The following AAR2 variants were observed in gnomAD, a reference collection of about 807,000 sequenced individuals.
AAR2 encodes the protein protein AAR2 homolog.
A neutral mutation model predicts 26.9 loss-of-function variants in AAR2; 31 were observed. The observed-to-expected ratio is 1.15, with a 90% confidence interval of 0.86 to 1.55. The LOEUF (loss-of-function observed/expected upper bound fraction) is 1.55. Ranked by LOEUF, AAR2 falls within the 40% of genes most tolerant of loss-of-function variation. The pLI, the probability that AAR2 is intolerant of heterozygous loss-of-function variation, is 0.00. For missense variants in AAR2, 430 were observed against 491.3 expected (o/e 0.88, Z 1.18); for synonymous variants, 188 against 196.1 (o/e 0.96, Z 0.34).
At chr20:36,245,482 G>C (rs146048639) in intron 3 of AAR2, among the ~76,000 whole-genome samples, 19 of 152,176 alleles carry the variant, frequency 1.2e-4, no homozygotes, top group Non-Finnish European at 2.1e-4. Context: ...TTCATCCTAT[G>C]CTATTTCCTC....
rs2064660749 is a variant in AAR2, at chr20:36,240,107, G to A, written c.239G>A (p.Ser80Asn). ...GGCCCTCGTATGGGTTTCTTCCTTA[G>A]CCTGCACCAGCGGGGGCTGACAGTG... is the stretch of plus-strand genomic sequence containing the variant. ...EVGPRMGFFLSLHQRGLTVLR... is the reference protein window; with the variant it reads ...EVGPRMGFFLNLHQRGLTVLR... The change falls in exon 2 of 4, where the codon AGC becomes AAC. Residue 80 changes from serine (S) to asparagine (N), a missense_variant. Transcript: ENST00000320849. 2 of 1,614,210 alleles carry A rather than the reference G, an allele frequency of 1.2e-6. No individual in the cohort carries two copies. The highest frequency in any genetic ancestry group is 1.7e-6 in the Non-Finnish European group (2 of 1,180,042).
intron 3 of AAR2, 45 bp downstream of exon 3, chr20:36,244,971 T>C (rs752925227): frequency 1.3e-6 from 2 of 1,528,646 alleles, no homozygotes; most frequent in Admixed American, 1.7e-5. Context: ...TGGGTCAGAA[T>C]TGAGGCAACA....
rs147834617 is a variant in AAR2 at position 36,240,211 on chromosome 20, C to A, written c.343C>A (p.Leu115Ile). The stretch of plus-strand genomic sequence containing the variant: ...TGAGGTGGAGGCCATGAGGGCCAAC[C>A]TCCAGGAGCTGGACCAGTTCCTGGG... The part of the protein sequence containing the change: ...ESEVEAMRAN[L>I]QELDQFLGPY... Residue 115 changes from leucine to isoleucine, a missense_variant, in exon 2 of 4, where the codon CTC (leucine) becomes ATC (isoleucine). Coordinates refer to ENST00000320849, the MANE Select transcript of AAR2 (RefSeq NM_001271874.2). 6.2e-7 allele frequency: 1 copy of A among 1,614,118 alleles called. No individual in the cohort carries two copies. Among genetic ancestry groups the A allele is most frequent in the Admixed American group, 1.7e-5 (1 of 60,010 alleles).
chr20:36,252,610 G>A (rs1402293550), intron 3 of AAR2, among the ~76,000 whole-genome samples: 2 of 152,212 alleles, frequency 1.3e-5, no homozygotes, highest in East Asian at 3.8e-4. Flanking sequence ...ATGGAAAGGT[G>A]TTAAGAGCAG....
At position 36,255,567 on chromosome 20, in the gene AAR2, G is replaced by T. The variant is rs776022774; in HGVS notation, c.988-11G>T. 4 of 1,614,156 alleles carry T rather than the reference G, an allele frequency of 2.5e-6. No individual in the cohort carries two copies. Among genetic ancestry groups the T allele is most frequent in the South Asian group, 2.2e-5 (2 of 91,086 alleles). On this transcript the variant is annotated splice_polypyrimidine_tract_variant and intron_variant, in intron 3 of 3. Coordinates refer to ENST00000320849, the MANE Select transcript of AAR2 (RefSeq NM_001271874.2). ...TCTTCTCAGGAGTGACTTATCCTCT[G>T]TTCTCTGTAGGTTTTCTTTTCCTCT...
intron 1 of AAR2, among the ~76,000 whole-genome samples, chr20:36,239,565 A>G (rs2064653311): frequency 6.6e-6 from 1 of 152,194 alleles, no homozygotes; most frequent in Non-Finnish European, 1.5e-5. Context: ...TGGTATGACC[A>G]TGAGCATGTC....
rs1312255784 is a variant in AAR2, at chr20:36,256,826, T to G, written c.*1081T>G. On this transcript the variant is annotated 3_prime_UTR_variant, in exon 4 of 4. Coordinates refer to ENST00000320849, the MANE Select transcript of AAR2 (RefSeq NM_001271874.2). ...TTTTCCAAGACTGGGGCTCACACCATGTTTTTGAATGAGAATCCCTGCTGG... is the reference window on the plus strand; with the variant it reads ...TTTTCCAAGACTGGGGCTCACACCAGGTTTTTGAATGAGAATCCCTGCTGG... 2 of 152,690 alleles carry G rather than the reference T, an allele frequency of 1.3e-5. No individual in the cohort carries two copies. Among genetic ancestry groups the G allele is most frequent in the South Asian group, 4.1e-4 (2 of 4,832 alleles). The allele number at this position is 152,690 out of a possible 1,614,324, so 9.5% of individuals were successfully genotyped here.
In AAR2 at chr20:36,240,406, C is replaced by G. The variant is rs200929659; in HGVS notation, c.538C>G (p.Arg180Gly). Reference sequence around the variant, plus strand: ...GGACCGCGTGGGGCAGAATCTACCCCGCTGTGGCATTGAGTGCAAAAGCTA... The same window carrying G: ...GGACCGCGTGGGGCAGAATCTACCCGGCTGTGGCATTGAGTGCAAAAGCTA... ...TKDRVGQNLP[R>G]CGIECKSYQE... Residue 180 changes from arginine to glycine, a missense_variant, in exon 2 of 4, where the codon CGC becomes GGC. By Grantham distance (125) the Arg-to-Gly change is moderately radical. Transcript: ENST00000320849. 1 of 1,614,240 alleles carries G rather than the reference C, an allele frequency of 6.2e-7. No individual in the cohort carries two copies. The highest frequency in any genetic ancestry group is 8.5e-7 in the Non-Finnish European group (1 of 1,180,052).
At chr20:36,245,631 C>T (rs1191820600) in intron 3 of AAR2, among the ~76,000 whole-genome samples, 1 of 152,202 alleles carries the variant, frequency 6.6e-6, no homozygotes, top group Non-Finnish European at 1.5e-5. Flanking sequence ...TCTTTCTTCT[C>T]CCTGTGTGTA....
chr20:36,238,079 C>T (rs776134344), intron 1 of AAR2, among the ~76,000 whole-genome samples: 28 of 152,048 alleles, frequency 1.8e-4, no homozygotes, highest in South Asian at 1.5e-3. Context: ...CCACCACGCC[C>T]GGCCTGTTGA....
chr20:36,241,791 A>G (rs987512878), intron 2 of AAR2, among the ~76,000 whole-genome samples: 3 of 152,110 alleles, frequency 2.0e-5, no homozygotes, highest in African/African-American at 7.2e-5. Context: ...ATATATATAC[A>G]TATATCATCT....
At chr20:36,251,743 G>A (rs772309712) in intron 3 of AAR2, among the ~76,000 whole-genome samples, 1 of 152,236 alleles carries the variant, frequency 6.6e-6, no homozygotes, top group Admixed American at 6.5e-5. Flanking sequence ...TAAAAAGGAC[G>A]AAGCACTTTT....
In AAR2 at chr20:36,254,166, G is replaced by A. The variant is rs566790406; in HGVS notation, c.988-1412G>A. Among the ~76,000 whole-genome samples, 6 of 152,284 alleles carry A rather than the reference G, an allele frequency of 3.9e-5. No individual in the cohort carries two copies. In the South Asian group the frequency reaches 6.2e-4, roughly 16 times the overall value. On this transcript the variant is annotated intron_variant, in intron 3 of 3. Coordinates refer to ENST00000320849, the MANE Select transcript of AAR2 (RefSeq NM_001271874.2). ...CCATGTTCATAGCAGCATTATTCAC[G>A]ATAGCCAGAAGGTAAAAACAACACA...
intron 3 of AAR2, among the ~76,000 whole-genome samples, chr20:36,248,176 C>A (rs947173710): frequency 2.0e-5 from 3 of 152,102 alleles, no homozygotes; most frequent in Non-Finnish European, 4.4e-5. Flanking sequence ...CTTTCACTCT[C>A]CCCTTTCCCT....
chr20:36,255,731 A>C lies in AAR2; in HGVS notation c.1141A>C (p.Ile381Leu), dbSNP rs1227635802. The C allele has an allele frequency of 6.2e-7, 1 of 1,614,090 alleles. No individual in the cohort carries two copies. Among genetic ancestry groups the C allele is most frequent in the Non-Finnish European group, 8.5e-7 (1 of 1,179,994 alleles). ...APVVVELPEG[I>L]EMG Reference sequence around the variant, plus strand: ...GGTGGTGGTGGAGCTCCCTGAGGGCATCGAGATGGGCTAACTCGGGGAGCG... The same window carrying C: ...GGTGGTGGTGGAGCTCCCTGAGGGCCTCGAGATGGGCTAACTCGGGGAGCG... The change falls in exon 4 of 4, where the codon ATC becomes CTC. Residue 381 changes from isoleucine to leucine, a missense_variant. Transcript: ENST00000320849.
chr20:36,241,714 C>A (rs1292861344), intron 2 of AAR2, among the ~76,000 whole-genome samples: 1 of 152,156 alleles, frequency 6.6e-6, no homozygotes, highest in Non-Finnish European at 1.5e-5. Flanking sequence ...ACCCAGGAGG[C>A]AGAGGTCGCA....
intron 2 of AAR2, among the ~76,000 whole-genome samples, chr20:36,243,835 A>T (rs2064707394): frequency 6.6e-6 from 1 of 152,268 alleles, no homozygotes; most frequent in Non-Finnish European, 1.5e-5. Context: ...GCCCAAGGTC[A>T]CACAGCTGCT....
intron 1 of AAR2, among the ~76,000 whole-genome samples, chr20:36,237,765 TTA>T (rs2064628470): frequency 3.0e-5 from 4 of 134,510 alleles, no homozygotes; most frequent in African/African-American, 1.3e-4. Context: ...ATTATTATTA[TTA>T]TTATTATTAT....
At chr20:36,251,092 G>A (rs1319703476) in intron 3 of AAR2, among the ~76,000 whole-genome samples, 2 of 152,006 alleles carry the variant, frequency 1.3e-5, no homozygotes, top group African/African-American at 4.8e-5. Flanking sequence ...AACTACTGAG[G>A]AGGCCTAGAT....
Sources: gnomAD v4.1 joint callset for allele counts (sites outside exome capture counted in the v4.1 genomes callset) on GRCh38, gnomAD v4.1.1 for gene constraint, MANE v1.5 for transcripts, NCBI Gene and HGNC (gene_info 2026-07-23, HGNC 2026-07-21) for gene names.